Variants in ERP27 observed in about 807,000 individuals in gnomAD.
The protein encoded by ERP27 is endoplasmic reticulum resident protein 27.
A neutral mutation model predicts 27.7 loss-of-function variants in ERP27; 23 were observed. The observed-to-expected ratio is 0.83, with a 90% confidence interval of 0.60 to 1.18. ERP27 has a LOEUF of 1.18. Among genes scored for constraint, ERP27 ranks in the 50% most tolerant of loss-of-function variants. ERP27 has a pLI of 0.00. For synonymous variants in ERP27, 159 were observed against 118.3 expected, an observed-to-expected ratio of 1.34 and a Z score of -2.23; for missense variants, 363 against 327.9, an observed-to-expected ratio of 1.11 and a Z score of -0.83.
intron 3 of ERP27, among the ~76,000 whole-genome samples, chr12:14,922,851 G>T (rs762281247): frequency 3.9e-5 from 6 of 152,120 alleles, no homozygotes; most frequent in African/African-American, 1.2e-4. Context: ...CGAGGCCAGC[G>T]GATCACCTGA....
At chr12:14,937,460 G>A (rs116097537) in intron 2 of ERP27, among the ~76,000 whole-genome samples, 1,707 of 152,290 alleles carry the variant, frequency 0.011, 31 homozygotes, top group African/African-American at 0.039. Context: ...TTCAGACAAG[G>A]CAAAGAGAAA....
chr12:14,916,537 A>G (rs535699898), intron 5 of ERP27, among the ~76,000 whole-genome samples: 47 of 152,192 alleles, frequency 3.1e-4, no homozygotes, highest in Non-Finnish European at 5.7e-4. Flanking sequence ...CCTTCAACCC[A>G]AAGTAGAAAT....
At chr12:14,938,286 C>G in intron 1 of ERP27, 129 bp downstream of exon 1, 1 of 681,416 alleles carries the variant, frequency 1.5e-6, no homozygotes, top group Non-Finnish European at 2.3e-6. Context: ...AGGCAAAATG[C>G]ACTTATCCAG....
chr12:14,924,212 C>A (rs763324947), intron 3 of ERP27, among the ~76,000 whole-genome samples: 13 of 152,180 alleles, frequency 8.5e-5, no homozygotes, highest in African/African-American at 1.2e-4. Context: ...GAACTTCACT[C>A]TTTTTTATGG....
Position 14,938,537 on chromosome 12 carries a change from T to G in ERP27, c.-29A>C, listed in dbSNP as rs1344253622. Reference sequence around the variant, plus strand: ...CCCTCTCCTGCTCCTGCTCCAACCCTGGACTTTGTGTTGGGGAGGCCGACT... The same window carrying G: ...CCCTCTCCTGCTCCTGCTCCAACCCGGGACTTTGTGTTGGGGAGGCCGACT... On this transcript the variant is annotated 5_prime_UTR_variant, in exon 1 of 7. Transcript: ENST00000266397. 1.8e-5 allele frequency: 29 copies of G among 1,577,080 alleles called. No individual in the cohort carries two copies. Among genetic ancestry groups the G allele is most frequent in the Non-Finnish European group, 2.3e-5 (27 of 1,159,234 alleles).
intron 3 of ERP27, among the ~76,000 whole-genome samples, chr12:14,924,122 G>A (rs1863558340): frequency 6.6e-6 from 1 of 152,148 alleles, no homozygotes; most frequent in South Asian, 2.1e-4. Flanking sequence ...ATGAGATCAT[G>A]TGGTATTTGT....
chr12:14,923,531 C>CTATCTATT (rs1863547376), intron 3 of ERP27, among the ~76,000 whole-genome samples: 1 of 151,254 alleles, frequency 6.6e-6, no homozygotes, highest in Non-Finnish European at 1.5e-5. Context: ...ATCTATCTAT[C>CTATCTATT]TATCTATATT....
chr12:14,938,494 C>CG lies in ERP27; in HGVS notation c.14dup (p.Ser6ValfsTer13). Reference sequence around the variant, plus strand: ...GAAATAAGAGGAACATGAACCTGGACGGGGCAGCTTCCATTGTCCCTCTCC... The same window carrying CG: ...GAAATAAGAGGAACATGAACCTGGACGGGGGCAGCTTCCATTGTCCCTCTCC... On this transcript the variant is annotated frameshift_variant, in exon 1 of 7. Coordinates refer to ENST00000266397, the MANE Select transcript of ERP27 (RefSeq NM_152321.4). LOFTEE classifies it high-confidence loss of function. 6.2e-7 allele frequency: 1 copy of CG among 1,612,416 alleles called. No individual in the cohort carries two copies. Among genetic ancestry groups the CG allele is most frequent in the South Asian group, 1.1e-5 (1 of 90,916 alleles).
intron 2 of ERP27, among the ~76,000 whole-genome samples, chr12:14,937,680 T>C (rs1863791720): frequency 6.6e-6 from 1 of 152,230 alleles, no homozygotes; most frequent in Admixed American, 6.5e-5. Flanking sequence ...TTTCTGCAGA[T>C]ACTGACTTGA....
At chr12:14,926,563 T>C (rs1863605748) in intron 3 of ERP27, among the ~76,000 whole-genome samples, 1 of 152,232 alleles carries the variant, frequency 6.6e-6, no homozygotes, top group Non-Finnish European at 1.5e-5. Flanking sequence ...CTTCTTTCCC[T>C]TTATTGGCTT....
At chr12:14,933,592 C>G (rs765994829) in intron 3 of ERP27, among the ~76,000 whole-genome samples, 1 of 152,132 alleles carries the variant, frequency 6.6e-6, no homozygotes, top group Non-Finnish European at 1.5e-5. Flanking sequence ...AGGATGGAAA[C>G]TAGAAGGGGC....
At chr12:14,921,404 G>A (rs1303123252) in intron 3 of ERP27, among the ~76,000 whole-genome samples, 4 of 152,184 alleles carry the variant, frequency 2.6e-5, no homozygotes, top group African/African-American at 9.7e-5. Context: ...TGAAAATACT[G>A]TGAGATGTGA....
At chr12:14,921,172 A>T in intron 3 of ERP27, 124 bp from the exon 4 acceptor site, 1 of 747,996 alleles carries the variant, frequency 1.3e-6, no homozygotes, top group Non-Finnish European at 2.2e-6. Context: ...TAAGTAAGAG[A>T]GTTTCTCTGC....
In ERP27 at chr12:14,914,567, T is replaced by TGG; in HGVS notation, c.*167_*168insCC. ...GACAGGAAATGAAGCTCTGTGTGTG[T>TGG]GTGTGTGTGTGCGTGTGTGTGTGCA... On this transcript the variant is annotated 3_prime_UTR_variant, in exon 7 of 7. Coordinates refer to ENST00000266397, the MANE Select transcript of ERP27 (RefSeq NM_152321.4). 1 of 534,530 alleles carries TGG rather than the reference T, an allele frequency of 1.9e-6. No individual in the cohort carries two copies. The highest frequency in any genetic ancestry group is 3.2e-6 in the Non-Finnish European group (1 of 315,196). 33.1% of individuals were successfully genotyped at this position (534,530 alleles called of 1,614,324 possible). A position where few individuals can be genotyped will look rare whatever the true frequency, so the allele number is the denominator to read the frequency against.
At position 14,914,592 on chromosome 12, in the gene ERP27, A is replaced by C. The variant is rs1165836399; in HGVS notation, c.*143T>G. The C allele has an allele frequency of 3.3e-6, 2 of 609,708 alleles. No individual in the cohort carries two copies. The highest frequency in any genetic ancestry group is 3.8e-5 in the African/African-American group (2 of 53,074). 37.8% of individuals were successfully genotyped at this position (609,708 alleles called of 1,614,324 possible). A position where few individuals can be genotyped will look rare whatever the true frequency, so the allele number is the denominator to read the frequency against. ...TGTGTGTGTGTGCGTGTGTGTGTGCACGCGTGCGTGCGTGTGTGCACGTGC... is the reference window on the plus strand; with the variant it reads ...TGTGTGTGTGTGCGTGTGTGTGTGCCCGCGTGCGTGCGTGTGTGCACGTGC... On this transcript the variant is annotated 3_prime_UTR_variant, in exon 7 of 7. Coordinates refer to ENST00000266397, the MANE Select transcript of ERP27 (RefSeq NM_152321.4).
chr12:14,938,426 TCAACTTCTGCAG>T lies in ERP27; in HGVS notation c.71_82del (p.Ala24_Val27del), dbSNP rs1475873402. ...CATTTTTCTTTTACCTGAGGATTTC[TCAACTTCTGCAG>T]CAACTTCTGCAGCCAGCTCACACGT... On this transcript the variant is annotated inframe_deletion, in exon 1 of 7. Coordinates refer to ENST00000266397, the MANE Select transcript of ERP27 (RefSeq NM_152321.4). 9.3e-6 allele frequency: 15 copies of T among 1,614,162 alleles called. No individual in the cohort carries two copies. The highest frequency in any genetic ancestry group is 1.2e-5 in the Non-Finnish European group (14 of 1,180,006).
intron 2 of ERP27, chr12:14,935,216 C>A: frequency 1.1e-6 from 1 of 903,700 alleles, no homozygotes; most frequent in Non-Finnish European, 1.3e-6. Context: ...TGTAGCTGAG[C>A]CTGAGACTCC....
At chr12:14,926,635 AT>A (rs1288001524) in intron 3 of ERP27, among the ~76,000 whole-genome samples, 1 of 151,748 alleles carries the variant, frequency 6.6e-6, no homozygotes, top group Admixed American at 6.6e-5. Flanking sequence ...TACAACATGC[AT>A]TTTTTTTCAC....
Position 14,938,535 on chromosome 12 carries a change from C to T in ERP27, c.-27G>A. On this transcript the variant is annotated 5_prime_UTR_variant, in exon 1 of 7. Transcript: ENST00000266397. Reference sequence around the variant, plus strand: ...GTCCCTCTCCTGCTCCTGCTCCAACCCTGGACTTTGTGTTGGGGAGGCCGA... The same window carrying T: ...GTCCCTCTCCTGCTCCTGCTCCAACTCTGGACTTTGTGTTGGGGAGGCCGA... The T allele has an allele frequency of 1.3e-6, 2 of 1,582,036 alleles. No individual in the cohort carries two copies. Among genetic ancestry groups the T allele is most frequent in the Non-Finnish European group, 1.7e-6 (2 of 1,162,374 alleles).
Sources: allele counts gnomAD v4.1 joint callset (sites outside exome capture counted in the v4.1 genomes callset), GRCh38; gene constraint gnomAD v4.1.1; transcripts MANE v1.5; gene names NCBI Gene and HGNC (gene_info 2026-07-23, HGNC 2026-07-21).